The following DLGAP1 variants were observed in gnomAD, a reference collection of about 807,000 sequenced individuals.
The protein encoded by DLGAP1 is DLG associated protein 1.
A neutral mutation model predicts 90.8 loss-of-function variants in DLGAP1; 11 were observed. The ratio of observed to expected loss-of-function variants is 0.12; its 90% CI spans 0.08 to 0.20. The LOEUF (loss-of-function observed/expected upper bound fraction) is 0.20, where lower values mean the gene tolerates loss of function less well. Among genes scored for constraint, DLGAP1 ranks in the 10% least tolerant of loss-of-function variants. The pLI is 1.00. For synonymous variants in DLGAP1, 558 were observed against 540.7 expected (o/e 1.03, Z -0.44); for missense variants, 1,050 against 1,333.8 (o/e 0.79, Z 3.31).
At chr18:3,916,996 A>G (rs1171329547) in intron 3 of DLGAP1, among the ~76,000 whole-genome samples, 1 of 152,192 alleles carries the variant, frequency 6.6e-6, no homozygotes, top group Non-Finnish European at 1.5e-5. Context: ...CCATACAATT[A>G]TTCTGTTTTT....
chr18:3,620,984 G>A (rs969470020), intron 7 of DLGAP1, among the ~76,000 whole-genome samples: 19 of 152,178 alleles, frequency 1.2e-4, no homozygotes, highest in African/African-American at 4.6e-4. Flanking sequence ...CTGGGAACAC[G>A]TGGGTCAAAT....
intron 3 of DLGAP1, among the ~76,000 whole-genome samples, chr18:3,887,013 C>T (rs965615949): frequency 9.2e-5 from 14 of 152,174 alleles, no homozygotes; most frequent in Non-Finnish European, 1.9e-4. Context: ...GTGCCATATC[C>T]GCCCTGGATG....
intron 3 of DLGAP1, among the ~76,000 whole-genome samples, chr18:3,908,254 G>A (rs1251983600): frequency 6.6e-6 from 1 of 152,108 alleles, no homozygotes; most frequent in Non-Finnish European, 1.5e-5. Context: ...GGGGGAGAGG[G>A]ATATATGCAT....
intron 1 of DLGAP1, among the ~76,000 whole-genome samples, chr18:4,284,842 A>C (rs2079645001): frequency 6.6e-6 from 1 of 152,208 alleles, no homozygotes; most frequent in Non-Finnish European, 1.5e-5. Context: ...TAATGAAGGC[A>C]CCAAGGAGAG....
At chr18:3,757,173 G>A (rs2063750483) in intron 5 of DLGAP1, among the ~76,000 whole-genome samples, 1 of 152,200 alleles carries the variant, frequency 6.6e-6, no homozygotes, top group East Asian at 1.9e-4. Flanking sequence ...ACTTTGGGAG[G>A]CCAAGGCAGG....
intron 4 of DLGAP1, among the ~76,000 whole-genome samples, chr18:3,856,971 A>G (rs2148713743): frequency 6.6e-6 from 1 of 152,218 alleles, no homozygotes; most frequent in Non-Finnish European, 1.5e-5. Flanking sequence ...TAAATTATTT[A>G]TAATATAAAG....
chr18:3,665,841 C>G (rs2059859378), intron 7 of DLGAP1, among the ~76,000 whole-genome samples: 1 of 152,312 alleles, frequency 6.6e-6, no homozygotes. Flanking sequence ...TCCTCCCTCC[C>G]TGAGTGCACA....
At chr18:4,228,678 A>C (rs543074270) in intron 1 of DLGAP1, among the ~76,000 whole-genome samples, 1 of 152,176 alleles carries the variant, frequency 6.6e-6, no homozygotes, top group East Asian at 1.9e-4. Context: ...GTATAGAAGG[A>C]AAACACCAGA....
At chr18:4,200,336 A>T (rs1024909664) in intron 1 of DLGAP1, among the ~76,000 whole-genome samples, 2 of 151,862 alleles carry the variant, frequency 1.3e-5, no homozygotes, top group Non-Finnish European at 1.5e-5. Context: ...TACTAAAATG[A>T]TTACCAGATT....
In DLGAP1 at chr18:4,378,655, G is replaced by A. The variant is rs148895695; in HGVS notation, c.-267+76351C>T. Among the ~76,000 whole-genome samples, 2 of 152,238 alleles carry A rather than the reference G, an allele frequency of 1.3e-5. No individual in the cohort carries two copies. Among genetic ancestry groups the A allele is most frequent in the East Asian group, 1.9e-4 (1 of 5,186 alleles). ...AATTTGAAAGCACCTAAGGTGCTCC[G>A]TACCTAATATGTACTCCATCAGGGT... On this transcript the variant is annotated intron_variant, in intron 1 of 12. Transcript: ENST00000315677. This position sits in a 1 kb window ranked among gnomAD's most constrained non-coding sequence, Gnocchi z 4.5.
At chr18:4,214,544 T>C (rs760701002) in intron 1 of DLGAP1, among the ~76,000 whole-genome samples, 10 of 152,148 alleles carry the variant, frequency 6.6e-5, no homozygotes, top group Non-Finnish European at 1.5e-4. Context: ...GGTACACACG[T>C]AAATTTCTAA....
intron 1 of DLGAP1, among the ~76,000 whole-genome samples, chr18:4,434,293 T>C (rs977749494): frequency 6.6e-5 from 10 of 152,100 alleles, no homozygotes; most frequent in African/African-American, 2.4e-4. Flanking sequence ...ATGAAATGTG[T>C]TGTAGCGTCC....
At position 3,635,457 on chromosome 18, in the gene DLGAP1, G is replaced by A. The variant is rs977938129; in HGVS notation, c.1592-53209C>T. 6.6e-5 allele frequency among the ~76,000 whole-genome samples: 10 copies of A among 150,652 alleles called. 1 individual carries two copies. Among genetic ancestry groups the A allele is most frequent in the African/African-American group, 2.0e-4 (8 of 40,546 alleles). On this transcript the variant is annotated intron_variant, in intron 7 of 12. Coordinates refer to ENST00000315677, the MANE Select transcript of DLGAP1 (RefSeq NM_004746.4). ...CCCGGCCTGTCTGTCCCATTTTTTT[G>A]TCAGCAAATAGGAGCTCCACCTTCT...
rs2051593987 is a variant in DLGAP1, at chr18:3,526,011, A to AT, written c.2479+8182dup. Among the ~76,000 whole-genome samples, 1 of 152,150 alleles carries AT rather than the reference A, an allele frequency of 6.6e-6. No individual in the cohort carries two copies. Among genetic ancestry groups the AT allele is most frequent in the South Asian group, 2.1e-4 (1 of 4,822 alleles). ...ATGGAGCATTCTCAAGGTTAAACAT[A>AT]TGGCACATTACAGCCGATTTCCTTT... is the stretch of plus-strand genomic sequence containing the variant. On this transcript the variant is annotated intron_variant, in intron 10 of 12. Transcript: ENST00000315677. This position sits in a 1 kb window ranked among gnomAD's most constrained non-coding sequence, Gnocchi z 4.7.
intron 7 of DLGAP1, among the ~76,000 whole-genome samples, chr18:3,620,173 A>G (rs994319732): frequency 6.6e-6 from 1 of 152,152 alleles, no homozygotes; most frequent in Admixed American, 6.6e-5. Flanking sequence ...TGAGGTCCTT[A>G]TAAGAGGGAG....
intron 3 of DLGAP1, among the ~76,000 whole-genome samples, chr18:4,003,741 G>T (rs953153502): frequency 6.6e-6 from 1 of 152,148 alleles, no homozygotes; most frequent in African/African-American, 2.4e-5. Flanking sequence ...GCAAGTGGAT[G>T]CTGGAAATGA....
At chr18:4,311,538 A>C (rs963639173) in intron 1 of DLGAP1, among the ~76,000 whole-genome samples, 1 of 152,250 alleles carries the variant, frequency 6.6e-6, no homozygotes, top group Admixed American at 6.5e-5. Context: ...GCTACACTGG[A>C]GTCAAGTTTC....
chr18:4,191,271 A>C (rs997253291), intron 1 of DLGAP1, among the ~76,000 whole-genome samples: 3 of 152,188 alleles, frequency 2.0e-5, no homozygotes, highest in African/African-American at 7.2e-5. Flanking sequence ...CTCTATAAGT[A>C]TAAGCATATT....
chr18:4,390,172 A>AG (rs1835599119), intron 1 of DLGAP1, among the ~76,000 whole-genome samples: 1 of 151,402 alleles, frequency 6.6e-6, no homozygotes, highest in Non-Finnish European at 1.5e-5. Flanking sequence ...GTGTGAAAAA[A>AG]AAAAAGATGT....
Sources: allele counts gnomAD v4.1 joint callset (sites outside exome capture counted in the v4.1 genomes callset), GRCh38; gene constraint gnomAD v4.1.1; non-coding constraint Gnocchi (gnomAD v3.1); transcripts MANE v1.5; gene names NCBI Gene and HGNC (gene_info 2026-07-23, HGNC 2026-07-21).